The following DZANK1 variants were observed in gnomAD, a reference collection of about 807,000 sequenced individuals.
The protein encoded by DZANK1 is double zinc ribbon and ankyrin repeat domains 1.
DZANK1 carries 91 observed loss-of-function variants against 94.5 expected under a neutral mutation model. The observed-to-expected ratio is 0.96, with a 90% CI of 0.81 to 1.15. The LOEUF is 1.15. DZANK1 is among the 50% of genes most tolerant of loss of function. The pLI is 0.00. For synonymous variants in DZANK1, 312 were observed against 325.3 expected, an observed-to-expected ratio of 0.96 and a Z score of 0.44; for missense variants, 903 against 916.4, an observed-to-expected ratio of 0.99 and a Z score of 0.19.
rs139811341 is a variant in DZANK1 at position 18,423,079 on chromosome 20, T to C, written c.954+3988A>G. 2.4e-3 allele frequency among the ~76,000 whole-genome samples: 361 copies of C among 152,280 alleles called. 5 individuals are homozygous for C. The highest frequency in any genetic ancestry group is 0.02 in the Admixed American group (304 of 15,286). On this transcript the variant is annotated intron_variant, in intron 10 of 20. Transcript: ENST00000262547. Reference sequence around the variant, plus strand: ...ACATATGACAGTGGGCCCCATCATATTTTATAGAAGCCAAAAACCTCTATC... The same window carrying C: ...ACATATGACAGTGGGCCCCATCATACTTTATAGAAGCCAAAAACCTCTATC...
rs1308701222 is a variant in DZANK1, at chr20:18,441,182, T to C, written c.747+2165A>G. On this transcript the variant is annotated intron_variant, in intron 8 of 20. Transcript: ENST00000262547. The surrounding 1 kb of genome is among the most constrained non-coding windows in gnomAD (Gnocchi z 4.1). ...TACTTGGCCATTCAAGATACTTGCT[T>C]CAATTGGCACGTCATCACAATCAGC... is the stretch of plus-strand genomic sequence containing the variant. Among the ~76,000 whole-genome samples, 1 of 152,158 alleles carries C rather than the reference T, an allele frequency of 6.6e-6. No individual in the cohort carries two copies. The highest frequency in any genetic ancestry group is 2.4e-5 in the African/African-American group (1 of 41,444).
intron 10 of DZANK1, among the ~76,000 whole-genome samples, chr20:18,421,920 C>G (rs1364979176): frequency 6.6e-6 from 1 of 152,122 alleles, no homozygotes; most frequent in Non-Finnish European, 1.5e-5. Flanking sequence ...TGTTTACTTA[C>G]TATTGAGTTG....
chr20:18,459,854 GA>G (rs1189764554), intron 3 of DZANK1, among the ~76,000 whole-genome samples: 1 of 152,112 alleles, frequency 6.6e-6, no homozygotes, highest in Non-Finnish European at 1.5e-5. Context: ...GCTCTTTAGA[GA>G]CCCCCGGCCC....
At chr20:18,455,254 G>A (rs781467333) in exon 4 of DZANK1, 20 of 1,599,878 alleles carry the variant, frequency 1.3e-5, no homozygotes, top group Non-Finnish European at 1.6e-5. Flanking sequence ...TGCCTGCCTT[G>A]AAGAATCTTT....
chr20:18,405,911 T>C (rs1030566852), intron 13 of DZANK1, among the ~76,000 whole-genome samples: 1 of 152,330 alleles, frequency 6.6e-6, no homozygotes, highest in East Asian at 1.9e-4. Context: ...ACTGGGGGAC[T>C]GTACACTGAA....
At chr20:18,440,333 A>G (rs1179689495) in intron 8 of DZANK1, among the ~76,000 whole-genome samples, 1 of 152,190 alleles carries the variant, frequency 6.6e-6, no homozygotes, top group Non-Finnish European at 1.5e-5. Flanking sequence ...CAACCAAGCA[A>G]GCTGTTATAG....
intron 1 of DZANK1, among the ~76,000 whole-genome samples, chr20:18,466,702 G>A (rs1052770167): frequency 6.6e-6 from 1 of 152,232 alleles, no homozygotes; most frequent in Non-Finnish European, 1.5e-5. Flanking sequence ...CCCACGCAAA[G>A]GGAATCAAGA....
At position 18,384,331 on chromosome 20, in the gene DZANK1, T is replaced by C. The variant is rs961769895; in HGVS notation, c.*68A>G. ...GCCTCAGCCTCCCAAAGTGCTGGGA[T>C]TACAGGCGTAAGCCACTGTGCCAGC... On this transcript the variant is annotated 3_prime_UTR_variant, in exon 21 of 21. Coordinates refer to ENST00000262547, the Ensembl canonical transcript of DZANK1. 13 of 1,482,236 alleles carry C rather than the reference T, an allele frequency of 8.8e-6. No individual in the cohort carries two copies. In the Admixed American group the frequency reaches 2.9e-4, roughly 33 times the overall value. 91.8% of individuals were successfully genotyped at this position (1,482,236 alleles called of 1,614,324 possible). A position where few individuals can be genotyped will look rare whatever the true frequency, so the allele number is the denominator to read the frequency against.
chr20:18,455,830 T>C (rs1386707970), intron 3 of DZANK1, among the ~76,000 whole-genome samples: 1 of 152,218 alleles, frequency 6.6e-6, no homozygotes. Flanking sequence ...TGTGGTTAGC[T>C]TGGGCTTCCT....
Position 18,413,630 on chromosome 20 carries a change from AT to A in DZANK1, c.1242+717del, listed in dbSNP as rs60840486. 2.4e-3 allele frequency among the ~76,000 whole-genome samples: 360 copies of A among 152,240 alleles called. 5 individuals are homozygous for A. Among genetic ancestry groups the A allele is most frequent in the Admixed American group, 0.02 (303 of 15,294 alleles). On this transcript the variant is annotated intron_variant, in intron 12 of 20. Coordinates refer to ENST00000262547, the Ensembl canonical transcript of DZANK1. ...CCCCATCTCTACTAAAAATACAAAA[AT>A]TAGCCGGGCATGGTGGCACGGGCCT...
At chr20:18,458,296 G>A (rs2059356538) in intron 3 of DZANK1, among the ~76,000 whole-genome samples, 1 of 152,044 alleles carries the variant, frequency 6.6e-6, no homozygotes. Flanking sequence ...TTTAAATCTG[G>A]TTTTGTTGTT....
intron 9 of DZANK1, 69 bp from the exon 10 acceptor site, chr20:18,427,228 G>C (rs1177121427): frequency 8.3e-7 from 1 of 1,205,714 alleles, no homozygotes; most frequent in Admixed American, 2.0e-5. Flanking sequence ...TCATCAACCA[G>C]TCTTTTCTGT....
At chr20:18,411,085 AC>A (rs1468697487) in intron 13 of DZANK1, among the ~76,000 whole-genome samples, 1 of 152,220 alleles carries the variant, frequency 6.6e-6, no homozygotes, top group Non-Finnish European at 1.5e-5. Flanking sequence ...CTAATCTTTG[AC>A]CTTAAACGAG....
rs188079917 is a variant in DZANK1 at position 18,419,019 on chromosome 20, T to C, written c.955-3570A>G. Among the ~76,000 whole-genome samples the C allele has an allele frequency of 2.8e-4, 43 of 152,246 alleles. 1 individual carries two copies. The highest frequency in any genetic ancestry group is 1.0e-3 in the African/African-American group (43 of 41,550). The stretch of plus-strand genomic sequence containing the variant: ...GCTCATGCCTGTAATCTCAGCACTT[T>C]GGGAGGCCGAGACAGGTGGATCGCT... On this transcript the variant is annotated intron_variant, in intron 10 of 20. Coordinates refer to ENST00000262547, the Ensembl canonical transcript of DZANK1.
At chr20:18,465,309 G>A in exon 2 of DZANK1, 1 of 1,611,896 alleles carries the variant, frequency 6.2e-7, no homozygotes, top group Non-Finnish European at 8.5e-7. Context: ...TCCAGGCTGA[G>A]GCACTCGTAA....
chr20:18,405,860 G>A (rs2056935043), intron 13 of DZANK1, among the ~76,000 whole-genome samples: 1 of 152,232 alleles, frequency 6.6e-6, no homozygotes, highest in African/African-American at 2.4e-5. Flanking sequence ...TATACAGGAT[G>A]GAAAGAGAAT....
chr20:18,419,107 CA>C (rs1168473437), intron 10 of DZANK1, among the ~76,000 whole-genome samples: 1 of 151,944 alleles, frequency 6.6e-6, no homozygotes, highest in Non-Finnish European at 1.5e-5. Flanking sequence ...ACTGAAAATA[CA>C]AAAATTAGCC....
At chr20:18,464,853 T>G (rs1172312323) in intron 2 of DZANK1, among the ~76,000 whole-genome samples, 2 of 151,952 alleles carry the variant, frequency 1.3e-5, no homozygotes, top group Non-Finnish European at 2.9e-5. Flanking sequence ...TTTTTGTATT[T>G]TTAGTAAGAC....
intron 10 of DZANK1, among the ~76,000 whole-genome samples, chr20:18,419,939 C>T (rs2057698178): frequency 6.7e-6 from 1 of 150,018 alleles, no homozygotes; most frequent in Non-Finnish European, 1.5e-5. Flanking sequence ...CCTCTTAATT[C>T]CCTTACAAGC....
Sources: gnomAD v4.1 joint callset for allele counts (sites outside exome capture counted in the v4.1 genomes callset) on GRCh38, gnomAD v4.1.1 for gene constraint, Gnocchi (gnomAD v3.1) non-coding constraint, MANE v1.5 for transcripts, NCBI Gene and HGNC (gene_info 2026-07-23, HGNC 2026-07-21) for gene names.